Variants in STAR observed in about 807,000 individuals in gnomAD.
The protein encoded by STAR is steroidogenic acute regulatory protein, also known as steroidogenic acute regulatory protein, mitochondrial.
A neutral mutation model predicts 32.3 loss-of-function variants in STAR; 32 were observed. The observed-to-expected ratio is 0.99, with a 90% CI of 0.75 to 1.33. The LOEUF is 1.33. Among genes scored for constraint, STAR ranks in the 40% most tolerant of loss-of-function variants. The probability of loss-of-function intolerance (pLI) is 0.00; values close to 1 mark genes in which losing one functional copy is unlikely to be tolerated. For synonymous variants in STAR, 134 were observed against 140.5 expected (o/e 0.95, Z 0.33); for missense variants, 375 against 379.0 (o/e 0.99, Z 0.09).
intron 6 of STAR, chr8:38,144,975 C>CTCCA: frequency 7.6e-7 from 1 of 1,308,684 alleles, no homozygotes; most frequent in Non-Finnish European, 9.8e-7. Context: ...TGTCATTGTA[C>CTCCA]TCCAGCCTGA....
chr8:38,144,672 G>T, intron 6 of STAR: 1 of 1,235,432 alleles, frequency 8.1e-7, no homozygotes, highest in Non-Finnish European at 1.0e-6. Flanking sequence ...CTGGACCTAA[G>T]TTTCCTTCTT....
In STAR at chr8:38,143,305, A is replaced by AT. The variant is rs11326306; in HGVS notation, c.*967dup. The stretch of plus-strand genomic sequence containing the variant: ...GTGAAGTTGTAATCTACTAGCATAG[A>AT]TTTTTTTTTTTTTTTTTTTGAGATG... On this transcript the variant is annotated 3_prime_UTR_variant, in exon 7 of 7. Coordinates refer to ENST00000276449, the MANE Select transcript of STAR (RefSeq NM_000349.3). 0.016 allele frequency among the ~76,000 whole-genome samples: 1,752 copies of AT among 107,228 alleles called. 43 individuals carry two copies. The highest frequency in any genetic ancestry group is 0.056 in the African/African-American group (1,675 of 30,078). 70.3% of individuals were successfully genotyped at this position (107,228 alleles called of 152,430 possible).
intron 6 of STAR, chr8:38,145,014 A>G (rs1440348308): frequency 2.7e-6 from 3 of 1,118,512 alleles, no homozygotes; most frequent in Non-Finnish European, 3.4e-6. Flanking sequence ...GTCTCGAAAA[A>G]AAAAAAAAAA....
chr8:38,145,402 T>A, intron 5 of STAR, 87 bp from the exon 6 acceptor site: 1 of 1,559,672 alleles, frequency 6.4e-7, no homozygotes, highest in Non-Finnish European at 8.8e-7. Flanking sequence ...GATAACACGT[T>A]TCTACGGTAC....
rs189776431 is a variant in STAR, at chr8:38,149,056, A to G, written c.65-302T>C. On this transcript the variant is annotated intron_variant, in intron 1 of 6. Transcript: ENST00000276449. ...CTAAAAGGGGAAAAAGCTGTGTTCA[A>G]GCAACCAGAAAAATCCTACTTCATA... The G allele has an allele frequency of 9.7e-6, 4 of 413,888 alleles. No individual in the cohort carries two copies. In the East Asian group the frequency reaches 2.1e-4, roughly 22 times the overall value. The allele number at this position is 413,888 out of a possible 1,614,324, so 25.6% of individuals were successfully genotyped here.
chr8:38,150,665 G>T, intron 1 of STAR, 90 bp downstream of exon 1: 1 of 1,587,308 alleles, frequency 6.3e-7, no homozygotes. Context: ...CACCCAGTAA[G>T]AGGCACAACT....
chr8:38,150,037 C>T (rs532974882), intron 1 of STAR, among the ~76,000 whole-genome samples: 6 of 151,940 alleles, frequency 3.9e-5, no homozygotes, highest in South Asian at 2.1e-4. Flanking sequence ...TGCAGTGAGC[C>T]GAGATCGTGC....
At chr8:38,146,780 T>TG (rs1237920274) in intron 3 of STAR, among the ~76,000 whole-genome samples, 1 of 29,752 alleles carries the variant, frequency 3.4e-5, no homozygotes, top group Admixed American at 3.2e-4. Context: ...AAAAAAAAAT[T>TG]TTATATATAT....
In STAR at chr8:38,150,851, G is replaced by A; in HGVS notation, c.-33C>T. 6.2e-7 allele frequency: 1 copy of A among 1,601,068 alleles called. No homozygotes were observed. Among genetic ancestry groups the A allele is most frequent in the Non-Finnish European group, 8.5e-7 (1 of 1,179,834 alleles). On this transcript the variant is annotated 5_prime_UTR_variant, in exon 1 of 7. Transcript: ENST00000276449. ...TGGCAAATGTGGCAGTGGTGGGGTC[G>A]CTGCCGCTGCTGCTGCCGCCGCTGC...
rs1487124426 is a variant in STAR at position 38,146,117 on chromosome 8, T to C, written c.496A>G (p.Ile166Val). 6.2e-7 allele frequency: 1 copy of C among 1,614,108 alleles called. No individual in the cohort carries two copies. The highest frequency in any genetic ancestry group is 1.7e-5 in the Admixed American group (1 of 60,018). Residue 166 changes from isoleucine to valine, a missense_variant, in exon 5 of 7, where the codon ATT (isoleucine) becomes GTT (valine). By Grantham distance (29) the Ile-to-Val change is conservative (BLOSUM62 3). Coordinates refer to ENST00000276449, the MANE Select transcript of STAR (RefSeq NM_000349.3). Reference protein sequence around the residue: ...VLQKIGKDTFITHELAAEAAG... With the variant: ...VLQKIGKDTFVTHELAAEAAG... ...GCCTCGGCAGCCAGCTCGTGAGTAATGAATGTATCTTTTCCGATCTTCTGC... is the reference window on the plus strand; with the variant it reads ...GCCTCGGCAGCCAGCTCGTGAGTAACGAATGTATCTTTTCCGATCTTCTGC...
At chr8:38,148,093 A>G in intron 3 of STAR, 107 bp downstream of exon 3, 1 of 1,489,268 alleles carries the variant, frequency 6.7e-7, no homozygotes, top group African/African-American at 1.4e-5. Context: ...CTTGCTACCC[A>G]GTGACTGCTG....
At position 38,150,859 on chromosome 8, in the gene STAR, T is replaced by C. The variant is rs920901034; in HGVS notation, c.-41A>G. The stretch of plus-strand genomic sequence containing the variant: ...GTGGCAGTGGTGGGGTCGCTGCCGC[T>C]GCTGCTGCCGCCGCTGCTGCTGCCT... On this transcript the variant is annotated 5_prime_UTR_variant, in exon 1 of 7. Coordinates refer to ENST00000276449, the MANE Select transcript of STAR (RefSeq NM_000349.3). 1.4e-5 allele frequency: 23 copies of C among 1,599,826 alleles called. No homozygotes were observed. The highest frequency in any genetic ancestry group is 2.2e-5 in the East Asian group (1 of 44,888).
At position 38,148,761 on chromosome 8, in the gene STAR, A is replaced by G; in HGVS notation, c.65-7T>C. The G allele has an allele frequency of 6.2e-7, 1 of 1,612,018 alleles. No homozygotes were observed. The highest frequency in any genetic ancestry group is 8.5e-7 in the Non-Finnish European group (1 of 1,179,158). Reference sequence around the variant, plus strand: ...ACAGCCTGTTGCCTCAGCCCTGCAGAAGGGAATAACCCTTGTCTAGGAGCT... The same window carrying G: ...ACAGCCTGTTGCCTCAGCCCTGCAGGAGGGAATAACCCTTGTCTAGGAGCT... On this transcript the variant is annotated splice_polypyrimidine_tract_variant and splice_region_variant and intron_variant, in intron 1 of 6. Coordinates refer to ENST00000276449, the MANE Select transcript of STAR (RefSeq NM_000349.3).
intron 5 of STAR, 65 bp downstream of exon 5, chr8:38,145,898 G>A (rs943946505): frequency 1.5e-5 from 24 of 1,602,724 alleles, no homozygotes; most frequent in Non-Finnish European, 2.0e-5. Context: ...CAGTCCACAT[G>A]CTTGGGTGCA....
rs1300807840 is a variant in STAR, at chr8:38,146,070, G to T, written c.543C>A (p.Pro181=). The T allele has an allele frequency of 6.2e-7, 1 of 1,614,112 alleles. No homozygotes were observed. The highest frequency in any genetic ancestry group is 1.3e-5 in the African/African-American group (1 of 74,952). ...CACAGCGCACGCTCACAAAGTCACG[G>T]GGCCCCACCAGGTTTCCTGCTGCCT... ...AAEAAGNLVG[P]RDFVSVRCAK... Residue 181 remains proline, a synonymous_variant, in exon 5 of 7, where the codon CCC becomes CCA. Transcript: ENST00000276449.
chr8:38,145,358 C>G (rs775625709), intron 5 of STAR, 43 bp from the exon 6 acceptor site: 1 of 1,613,268 alleles, frequency 6.2e-7, no homozygotes, highest in Non-Finnish European at 8.5e-7. Flanking sequence ...GTTGCGAGTT[C>G]TCTCTTGCAC....
At chr8:38,146,514 AC>A in intron 3 of STAR, 67 bp from the exon 4 acceptor site, 1 of 1,564,814 alleles carries the variant, frequency 6.4e-7, no homozygotes, top group East Asian at 2.3e-5. Flanking sequence ...ATGGTGGTTC[AC>A]GCCTATAATC....
intron 5 of STAR, chr8:38,145,583 A>G: frequency 1.7e-6 from 1 of 574,806 alleles, no homozygotes; most frequent in Non-Finnish European, 3.1e-6. Flanking sequence ...GAAAGGATTC[A>G]GGCTGGTGGC....
rs1477280353 is a variant in STAR, at chr8:38,145,307, T to G, written c.659A>C (p.His220Pro). Reference sequence around the variant, plus strand: ...GTGAAGCACCATGCAAGTGGGACCGTGCTCCGCCCTGGCAAATGGAGAAGT... The same window carrying G: ...GTGAAGCACCATGCAAGTGGGACCGGGCTCCGCCCTGGCAAATGGAGAAGT... The part of the protein sequence containing the change: ...PEQKGVIRAE[H>P]GPTCMVLHPL... Residue 220 changes from histidine (H) to proline (P), a missense_variant, in exon 6 of 7, where the codon CAC becomes CCC. His to Pro is a moderately conservative substitution (Grantham distance 77). Transcript: ENST00000276449. The G allele has an allele frequency of 1.2e-6, 2 of 1,614,144 alleles. No homozygotes were observed. The highest frequency in any genetic ancestry group is 1.7e-6 in the Non-Finnish European group (2 of 1,180,038).
Sources: allele counts gnomAD v4.1 joint callset (sites outside exome capture counted in the v4.1 genomes callset), GRCh38; gene constraint gnomAD v4.1.1; transcripts MANE v1.5; gene names NCBI Gene and HGNC (gene_info 2026-07-23, HGNC 2026-07-21).